Variants in RARB observed in about 807,000 individuals in gnomAD.
The protein encoded by RARB is HBV-activated protein.
RARB carries 17 observed loss-of-function variants against 51.9 expected under a neutral mutation model. The observed-to-expected ratio is 0.33, with a 90% CI of 0.22 to 0.49. RARB has a LOEUF of 0.49. Among genes scored for constraint, RARB ranks in the 20% least tolerant of loss-of-function variants. RARB has a pLI of 0.99. For synonymous variants in RARB, 215 were observed against 195.4 expected, an observed-to-expected ratio of 1.10 and a Z score of -0.84; for missense variants, 369 against 550.8, an observed-to-expected ratio of 0.67 and a Z score of 3.30.
chr3:25,435,025 A>G (rs1056301590), intron 1 of RARB, among the ~76,000 whole-genome samples: 5 of 152,156 alleles, frequency 3.3e-5, no homozygotes, highest in African/African-American at 1.2e-4. Flanking sequence ...CTTCCAAAGT[A>G]TCTGATTTGA....
At position 25,536,650 on chromosome 3, in the gene RARB, C is replaced by T. The variant is rs114039070; in HGVS notation, c.449-33108C>T. On this transcript the variant is annotated intron_variant, in intron 3 of 7. Transcript: ENST00000330688. ...GGGCTCTGGTGGATATGGGGGGATT[C>T]GTTTGTTACAGCTAAAGTTAAACTG... is the stretch of plus-strand genomic sequence containing the variant. 9.3e-3 allele frequency among the ~76,000 whole-genome samples: 1,414 copies of T among 152,234 alleles called. 17 individuals are homozygous for T. Among genetic ancestry groups the T allele is most frequent in the African/African-American group, 0.032 (1,347 of 41,540 alleles).
chr3:25,194,454 AAAT>A (rs1225515987), intron 5 of RARB, among the ~76,000 whole-genome samples: 3 of 151,014 alleles, frequency 2.0e-5, no homozygotes, highest in Non-Finnish European at 4.4e-5. Flanking sequence ...AGTAGTAATC[AAAT>A]AGTATATATA....
At chr3:25,236,753 G>C (rs962489316) in intron 5 of RARB, among the ~76,000 whole-genome samples, 11 of 151,924 alleles carry the variant, frequency 7.2e-5, no homozygotes, top group African/African-American at 2.7e-4. Context: ...GTGTTTGGTA[G>C]GGGTCATAAG....
At chr3:25,123,836 T>G (rs1699822462) in intron 3 of RARB, among the ~76,000 whole-genome samples, 1 of 152,176 alleles carries the variant, frequency 6.6e-6, no homozygotes, top group South Asian at 2.1e-4. Flanking sequence ...TCTCTAATGT[T>G]CTTCACGTGG....
chr3:25,250,721 G>A (rs1377958984), intron 5 of RARB, among the ~76,000 whole-genome samples: 3 of 152,184 alleles, frequency 2.0e-5, no homozygotes, highest in Non-Finnish European at 4.4e-5. Context: ...TCTCAAAGTG[G>A]CACCTTGCTA....
At chr3:25,033,543 A>G (rs770307215) in intron 2 of RARB, among the ~76,000 whole-genome samples, 1 of 152,150 alleles carries the variant, frequency 6.6e-6, no homozygotes, top group Non-Finnish European at 1.5e-5. Flanking sequence ...GCTGCTTTTC[A>G]GGTCCACTGC....
chr3:25,471,737 T>C (rs1339708760), intron 2 of RARB, among the ~76,000 whole-genome samples: 15 of 152,120 alleles, frequency 9.9e-5, no homozygotes. Context: ...TTTGAAAATA[T>C]CTAGAACACT....
rs774685508 is a variant in RARB at position 25,174,432 on chromosome 3, C to T, written c.35C>T (p.Ala12Val). The T allele has an allele frequency of 3.0e-5, 41 of 1,352,042 alleles. No individual in the cohort carries two copies. The highest frequency in any genetic ancestry group is 3.5e-5 in the Non-Finnish European group (36 of 1,021,794). 83.8% of individuals were successfully genotyped at this position (1,352,042 alleles called of 1,614,324 possible). ...AGCGGCCACGCATGTCCGGTCCCAG[C>T]AGTGAACGGACACATGACTCACTAT... The change falls in exon 5 of 12, where the codon GCA becomes GTA. Residue 12 changes from alanine (A) to valine (V), a missense_variant. Physicochemically the swap from Ala to Val is moderately conservative, Grantham distance 64 (BLOSUM62 0). Transcript: ENST00000383772.
At chr3:25,370,987 C>T (rs1706282031) in intron 5 of RARB, among the ~76,000 whole-genome samples, 1 of 152,192 alleles carries the variant, frequency 6.6e-6, no homozygotes, top group African/African-American at 2.4e-5. Context: ...CTCTTATCTT[C>T]ATTCACGTAT....
Position 25,356,786 on chromosome 3 carries a change from TAG to T in RARB, c.179-104406_179-104405del, listed in dbSNP as rs1467589083. Among the ~76,000 whole-genome samples, 3 of 152,274 alleles carry T rather than the reference TAG, an allele frequency of 2.0e-5. No individual in the cohort carries two copies. In the East Asian group the frequency reaches 5.8e-4, roughly 29 times the overall value. On this transcript the variant is annotated intron_variant, in intron 5 of 11. Coordinates refer to the RARB transcript ENST00000383772. Reference sequence around the variant, plus strand: ...GGTGTTTGGTTTTCTGTTCCTGTGTTAGTTTGCTGAGAATGATGGTTTCCAGC... The same window carrying T: ...GGTGTTTGGTTTTCTGTTCCTGTGTTTTTGCTGAGAATGATGGTTTCCAGC...
At chr3:25,159,355 G>T (rs321534) in intron 4 of RARB, among the ~76,000 whole-genome samples, 23,284 of 150,436 alleles carry the variant, frequency 0.15, 1,938 homozygotes, top group South Asian at 0.21. Context: ...TTTTAGTAGA[G>T]ACCGGGTTTC....
At chr3:25,060,196 G>C (rs1270103098) in intron 3 of RARB, 2 of 151,542 alleles carry the variant, frequency 1.3e-5, no homozygotes, top group Non-Finnish European at 3.0e-5. Context: ...GAAAGAAAAA[G>C]TAAATTACAT....
chr3:25,350,344 C>T (rs576462962), intron 5 of RARB, among the ~76,000 whole-genome samples: 3 of 152,238 alleles, frequency 2.0e-5, no homozygotes, highest in African/African-American at 7.2e-5. Flanking sequence ...CAGGCCAGCT[C>T]AGCATAAACA....
At position 24,932,194 on chromosome 3, in the gene RARB, T is replaced by G. The variant is rs904016980; in HGVS notation, c.-380+73442T>G. ...TCGTCGGCCCTTTCACTCAGGATACTTGGAGGCATGTCCTTGATCTATAGG... is the reference window on the plus strand; with the variant it reads ...TCGTCGGCCCTTTCACTCAGGATACGTGGAGGCATGTCCTTGATCTATAGG... On this transcript the variant is annotated intron_variant, in intron 2 of 11. Coordinates refer to the RARB transcript ENST00000383772. Among the ~76,000 whole-genome samples the G allele has an allele frequency of 9.2e-5, 14 of 152,026 alleles. 1 individual carries two copies.
intron 3 of RARB, among the ~76,000 whole-genome samples, chr3:25,534,479 C>A (rs1028798839): frequency 1.1e-4 from 16 of 152,120 alleles, no homozygotes; most frequent in African/African-American, 3.9e-4. Flanking sequence ...TCACTGCTCA[C>A]AAGCCCTGTG....
chr3:25,462,299 T>A (rs997403539), intron 2 of RARB: 3 of 152,164 alleles, frequency 2.0e-5, no homozygotes, highest in Non-Finnish European at 2.9e-5. Context: ...AGCTTCTTCT[T>A]TTTTTTCAGG....
At chr3:25,168,928 A>T (rs1700600414) in intron 4 of RARB, among the ~76,000 whole-genome samples, 1 of 152,218 alleles carries the variant, frequency 6.6e-6, no homozygotes, top group African/African-American at 2.4e-5. Context: ...GATCCTTGAG[A>T]TTAAAGAGAA....
intron 2 of RARB, among the ~76,000 whole-genome samples, chr3:24,927,666 A>G (rs566946326): frequency 2.6e-5 from 4 of 152,204 alleles, no homozygotes; most frequent in African/African-American, 9.6e-5. Context: ...ATACTAAGAA[A>G]CACTGTTACT....
chr3:25,591,491 G>A (rs1258102336), intron 5 of RARB, among the ~76,000 whole-genome samples: 1 of 152,216 alleles, frequency 6.6e-6, no homozygotes, highest in African/African-American at 2.4e-5. Flanking sequence ...AAATGAGGCA[G>A]CTGTGGAGCA....
Sources: allele counts gnomAD v4.1 joint callset (sites outside exome capture counted in the v4.1 genomes callset), GRCh38; gene constraint gnomAD v4.1.1; transcripts MANE v1.5; gene names NCBI Gene and HGNC (gene_info 2026-07-23, HGNC 2026-07-21).